Variants in PRDM2 observed in about 807,000 individuals in gnomAD.
PRDM2 encodes the protein PR/SET domain 2, also known as PR domain zinc finger protein 2.
PRDM2 carries 30 observed loss-of-function variants against 130.0 expected under a neutral mutation model. The observed-to-expected ratio is 0.23, with a 90% CI of 0.17 to 0.31. The LOEUF is 0.31. PRDM2 is among the 10% of genes least tolerant of loss of function. The pLI is 1.00. For synonymous variants in PRDM2, 871 were observed against 782.4 expected, an observed-to-expected ratio of 1.11 and a Z score of -1.89; for missense variants, 2,011 against 2,108.4, an observed-to-expected ratio of 0.95 and a Z score of 0.90.
chr1:13,705,974 T>A, intron 1 of PRDM2, among the ~76,000 whole-genome samples: 1 of 106,058 alleles, frequency 9.4e-6, no homozygotes, highest in Non-Finnish European at 1.7e-5. Flanking sequence ...AGAGCGAGAC[T>A]CCGTCTCAAA....
rs748972962 is a variant in PRDM2 at position 13,783,090 on chromosome 1, T to C, written c.5036+259T>C. 5.1e-5 allele frequency: 41 copies of C among 805,406 alleles called. 1 individual carries two copies. Among genetic ancestry groups the C allele is most frequent in the Non-Finnish European group, 7.0e-5 (37 of 530,010 alleles). The allele number at this position is 805,406 out of a possible 1,614,324, so 49.9% of individuals were successfully genotyped here. Reference sequence around the variant, plus strand: ...CAGATGTAAATTGAATTTAAAACTATAGAAAAGCTCTCAAAAGTACTCTAA... The same window carrying C: ...CAGATGTAAATTGAATTTAAAACTACAGAAAAGCTCTCAAAAGTACTCTAA... On this transcript the variant is annotated intron_variant, in intron 8 of 9. Coordinates refer to ENST00000311066, the MANE Select transcript of PRDM2 (RefSeq NM_001393986.1).
chr1:13,784,307 C>T (rs1644689343), intron 8 of PRDM2, among the ~76,000 whole-genome samples: 1 of 152,182 alleles, frequency 6.6e-6, no homozygotes, highest in Admixed American at 6.5e-5. Flanking sequence ...GCCACACCAA[C>T]AGGACATGAT....
chr1:13,755,466 T>C (rs1265816642), intron 6 of PRDM2, among the ~76,000 whole-genome samples: 1 of 152,158 alleles, frequency 6.6e-6, no homozygotes, highest in Non-Finnish European at 1.5e-5. Flanking sequence ...AGAAATAAAG[T>C]TCGATTATGA....
At chr1:13,801,987 C>T (rs1439614851) in intron 8 of PRDM2, among the ~76,000 whole-genome samples, 2 of 152,242 alleles carry the variant, frequency 1.3e-5, no homozygotes, top group Non-Finnish European at 2.9e-5. Context: ...TCATCTGACA[C>T]CTGCAGGCCT....
chr1:13,757,086 C>G (rs1475451166), intron 6 of PRDM2, among the ~76,000 whole-genome samples: 1 of 152,138 alleles, frequency 6.6e-6, no homozygotes, highest in African/African-American at 2.4e-5. Context: ...AAGAAGTGCC[C>G]ACTTTAATTC....
chr1:13,782,166 C>T lies in PRDM2; in HGVS notation c.4371C>T (p.Cys1457=). 6.2e-7 allele frequency: 1 copy of T among 1,613,870 alleles called. No homozygotes were observed. The highest frequency in any genetic ancestry group is 1.3e-5 in the African/African-American group (1 of 74,996). ...KNACESSSHI[C]PYCNREFTYI... ...CTTGTGAGTCATCCTCTCACATCTGCCCTTACTGTAATCGAGAGTTCACTT... is the reference window on the plus strand; with the variant it reads ...CTTGTGAGTCATCCTCTCACATCTGTCCTTACTGTAATCGAGAGTTCACTT... Residue 1457 remains cysteine, a synonymous_variant, in exon 8 of 10, where the codon TGC becomes TGT. Transcript: ENST00000311066.
At chr1:13,800,883 G>A (rs1409843047) in intron 8 of PRDM2, among the ~76,000 whole-genome samples, 2 of 152,088 alleles carry the variant, frequency 1.3e-5, no homozygotes, top group Non-Finnish European at 2.9e-5. Context: ...AGGCAGAGTT[G>A]GGAATGCTTC....
chr1:13,803,130 T>A lies in PRDM2; in HGVS notation c.5037-13297T>A, dbSNP rs1645034314. ...CTGGGGAGGCCTGAGGGCTGTAGGG[T>A]TAGGTTCACAGAACTGTCGTAAAAA... On this transcript the variant is annotated intron_variant, in intron 8 of 9. Transcript: ENST00000311066. The surrounding 1 kb of genome is among the most constrained non-coding windows in gnomAD (Gnocchi z 6.2). 6.6e-6 allele frequency among the ~76,000 whole-genome samples: 1 copy of A among 152,026 alleles called. No homozygotes were observed. Among genetic ancestry groups the A allele is most frequent in the Non-Finnish European group, 1.5e-5 (1 of 67,980 alleles).
In PRDM2 at chr1:13,779,960, C is replaced by T. The variant is rs762794905; in HGVS notation, c.2165C>T (p.Pro722Leu). The change falls in exon 8 of 10, where the codon CCT (proline) becomes CTT (leucine). Residue 722 changes from proline to leucine, a missense_variant. Pro to Leu is a moderately conservative substitution (Grantham distance 98). Around this residue, in one of 5 missense-constraint regions of PRDM2, gnomAD observed 1,288 missense variants for 1,237.7 expected, o/e 1.04. Coordinates refer to ENST00000311066, the MANE Select transcript of PRDM2 (RefSeq NM_001393986.1). The surrounding 1 kb of genome is among the most constrained non-coding windows in gnomAD (Gnocchi z 4.9). ...TTAGGTCCTGTTTGTGTGTCTGCTC[C>T]TGCATCAATGTTGCCTGTGACCTCA... ...AKLGPVCVSA[P>L]ASMLPVTSSR... 1 of 1,614,218 alleles carries T rather than the reference C, an allele frequency of 6.2e-7. No individual in the cohort carries two copies. The highest frequency in any genetic ancestry group is 2.2e-5 in the East Asian group (1 of 44,886).
chr1:13,749,246 C>A, intron 5 of PRDM2, 115 bp from the exon 6 acceptor site: 1 of 1,005,682 alleles, frequency 9.9e-7, no homozygotes, highest in South Asian at 3.9e-5. Context: ...CGCGCGGCGC[C>A]GCCGACAGCT....
chr1:13,702,730 T>C (rs1202709791), intron 1 of PRDM2, among the ~76,000 whole-genome samples: 1 of 152,346 alleles, frequency 6.6e-6, no homozygotes, highest in East Asian at 1.9e-4. Flanking sequence ...TCATAGACTT[T>C]CCAGGATGGA....
Position 13,779,247 on chromosome 1 carries a change from G to C in PRDM2, c.1452G>C (p.Pro484=), listed in dbSNP as rs983292077. 2 of 1,613,986 alleles carry C rather than the reference G, an allele frequency of 1.2e-6. No homozygotes were observed. Among genetic ancestry groups the C allele is most frequent in the African/African-American group, 1.3e-5 (1 of 74,890 alleles). ...EENGEVKELH[P]CKYCKKVFGT... ...ATGGGGAAGTTAAAGAACTTCATCC[G>C]TGCAAATATTGTAAAAAGGTTTTTG... The change falls in exon 8 of 10, where the codon CCG becomes CCC. Residue 484 remains proline, a synonymous_variant. Transcript: ENST00000311066. This position sits in a 1 kb window ranked among gnomAD's most constrained non-coding sequence, Gnocchi z 4.9.
intron 2 of PRDM2, among the ~76,000 whole-genome samples, chr1:13,723,839 G>C (rs189747807): frequency 3.9e-5 from 6 of 152,188 alleles, no homozygotes; most frequent in African/African-American, 1.4e-4. Flanking sequence ...TTGTTTGCCC[G>C]TTCGCAGTGA....
chr1:13,796,573 TAGTG>T (rs1229007955), intron 8 of PRDM2, among the ~76,000 whole-genome samples: 4 of 151,912 alleles, frequency 2.6e-5, no homozygotes, highest in Non-Finnish European at 5.9e-5. Context: ...CTGGGCAACA[TAGTG>T]AGACCCCATC....
rs1053877594 is a variant in PRDM2, at chr1:13,781,152, T to G, written c.3357T>G (p.Ala1119=). ...GLKPREEPQS[A]AEQDVVVQET... ...AACCCAGGGAAGAGCCCCAGTCTGC[T>G]GCTGAACAGGATGTTGTTGTTCAGG... Residue 1119 remains alanine (A), a synonymous_variant, in exon 8 of 10, where the codon GCT becomes GCG. Transcript: ENST00000311066. The surrounding 1 kb of genome is among the most constrained non-coding windows in gnomAD (Gnocchi z 6.1). 7 of 1,614,236 alleles carry G rather than the reference T, an allele frequency of 4.3e-6. No individual in the cohort carries two copies. The highest frequency in any genetic ancestry group is 5.9e-6 in the Non-Finnish European group (7 of 1,180,042).
chr1:13,749,420 A>T lies in PRDM2; in HGVS notation c.444A>T (p.Ile148=). The T allele has an allele frequency of 9.9e-6, 15 of 1,507,772 alleles. No individual in the cohort carries two copies. The highest frequency in any genetic ancestry group is 1.3e-5 in the Non-Finnish European group (14 of 1,115,212). 93.4% of individuals were successfully genotyped at this position (1,507,772 alleles called of 1,614,324 possible). The change falls in exon 6 of 10, where the codon ATA becomes ATT. Residue 148 remains isoleucine, a synonymous_variant. Transcript: ENST00000311066. ...VWYNGEDNPE[I]AAAIEEERAS... The stretch of plus-strand genomic sequence containing the variant: ...ACAATGGGGAAGACAACCCTGAGAT[A>T]GCAGCTGCGATTGAGGAAGAGCGAG...
chr1:13,713,155 C>G (rs1642425052), intron 1 of PRDM2, among the ~76,000 whole-genome samples: 1 of 114,842 alleles, frequency 8.7e-6, no homozygotes, highest in Non-Finnish European at 1.8e-5. Context: ...GTAACTATCT[C>G]CCTCTCCATA....
At chr1:13,790,338 C>T (rs1370989266) in intron 8 of PRDM2, among the ~76,000 whole-genome samples, 2 of 152,178 alleles carry the variant, frequency 1.3e-5, no homozygotes, top group African/African-American at 4.8e-5. Flanking sequence ...TTTTCCCGTT[C>T]TTTCTAAGGC....
At chr1:13,816,325 G>A in intron 8 of PRDM2, 102 bp from the exon 9 acceptor site, 1 of 1,447,010 alleles carries the variant, frequency 6.9e-7, no homozygotes, top group Non-Finnish European at 9.4e-7. Flanking sequence ...TCCTATCCTG[G>A]CCTGGGAAGT....
Sources: gnomAD v4.1 joint callset for allele counts (sites outside exome capture counted in the v4.1 genomes callset) on GRCh38, gnomAD v4.1.1 for gene constraint, gnomAD v4.1.1 regional missense constraint, Gnocchi (gnomAD v3.1) non-coding constraint, MANE v1.5 for transcripts, NCBI Gene and HGNC (gene_info 2026-07-23, HGNC 2026-07-21) for gene names.